The following GRIK2 variants were observed in gnomAD, a reference collection of about 807,000 sequenced individuals.
GRIK2 encodes the protein glutamate receptor ionotropic, kainate 2.
In GRIK2, 32 loss-of-function variants were observed where a neutral mutation model predicts 100.3. The observed-to-expected ratio is 0.32, with a 90% CI of 0.24 to 0.43. The LOEUF (loss-of-function observed/expected upper bound fraction) is 0.43. Ranked by LOEUF, GRIK2 falls within the 20% of genes least tolerant of loss-of-function variation. GRIK2 has a pLI of 1.00. For missense variants in GRIK2, 843 were observed against 1,114.9 expected, an observed-to-expected ratio of 0.76 and a Z score of 3.47; for synonymous variants, 417 against 389.4, an observed-to-expected ratio of 1.07 and a Z score of -0.83.
intron 7 of GRIK2, among the ~76,000 whole-genome samples, chr6:101,692,067 A>AAAAAAAAAAAAG (rs1772146800): frequency 1.5e-4 from 22 of 145,338 alleles, no homozygotes; most frequent in African/African-American, 5.7e-4. Flanking sequence ...AAAAAAAAAA[A>AAAAAAAAAAAAG]GCAATGGAAA....
At chr6:101,483,987 G>A (rs1310101672) in intron 2 of GRIK2, among the ~76,000 whole-genome samples, 1 of 152,210 alleles carries the variant, frequency 6.6e-6, no homozygotes, top group African/African-American at 2.4e-5. Flanking sequence ...ATATTGGGCA[G>A]CCAGTTAGAG....
rs186164618 is a variant in GRIK2 at position 101,526,642 on chromosome 6, A to G, written c.116-95307A>G. On this transcript the variant is annotated intron_variant, in intron 2 of 16. Coordinates refer to ENST00000369134, the MANE Select transcript of GRIK2 (RefSeq NM_021956.5). ...GGGTGATGCTATAAGGAAGGGTGGT[A>G]GAGCTTAATGCTGCCTGTCACTTCT... is the stretch of plus-strand genomic sequence containing the variant. 3.1e-3 allele frequency among the ~76,000 whole-genome samples: 475 copies of G among 152,274 alleles called. 3 individuals are homozygous for G. The highest frequency in any genetic ancestry group is 3.0e-3 in the Non-Finnish European group (205 of 68,022).
chr6:101,584,731 G>A (rs1381195723), intron 2 of GRIK2, among the ~76,000 whole-genome samples: 1 of 151,890 alleles, frequency 6.6e-6, no homozygotes, highest in African/African-American at 2.4e-5. Flanking sequence ...AATATACCTA[G>A]AAAACTCAAA....
intron 2 of GRIK2, among the ~76,000 whole-genome samples, chr6:101,618,072 T>C (rs750687925): frequency 1.3e-5 from 2 of 151,760 alleles, no homozygotes; most frequent in Admixed American, 1.3e-4. Context: ...AAGTCTAATA[T>C]GTCACATTTT....
intron 15 of GRIK2, among the ~76,000 whole-genome samples, chr6:102,050,839 A>C (rs1235606277): frequency 6.6e-6 from 1 of 151,962 alleles, no homozygotes; most frequent in Non-Finnish European, 1.5e-5. Flanking sequence ...AAAGAAATAA[A>C]GAAGAAAGAT....
intron 15 of GRIK2, among the ~76,000 whole-genome samples, chr6:102,046,853 G>A (rs1770914964): frequency 6.6e-6 from 1 of 152,116 alleles, no homozygotes; most frequent in Non-Finnish European, 1.5e-5. Context: ...TTGAAATTAT[G>A]TATAGTATTG....
chr6:101,479,024 C>T (rs1377694697), intron 2 of GRIK2, among the ~76,000 whole-genome samples: 1 of 152,078 alleles, frequency 6.6e-6, no homozygotes, highest in South Asian at 2.1e-4. Flanking sequence ...ACACAACTGG[C>T]ATGTGGAAAA....
At chr6:101,896,997 A>AACACACAC (rs10588904) in intron 12 of GRIK2, among the ~76,000 whole-genome samples, 19 of 147,704 alleles carry the variant, frequency 1.3e-4, no homozygotes, top group Admixed American at 8.9e-4. Context: ...CATTGTATTT[A>AACACACAC]ACACACACAC....
intron 2 of GRIK2, among the ~76,000 whole-genome samples, chr6:101,532,197 C>T (rs1582655821): frequency 6.6e-6 from 1 of 151,956 alleles, no homozygotes; most frequent in East Asian, 1.9e-4. Context: ...CTCAAACACT[C>T]CATGCTGTTT....
chr6:101,716,257 GATA>G (rs1452403474), intron 7 of GRIK2, among the ~76,000 whole-genome samples: 1 of 151,588 alleles, frequency 6.6e-6, no homozygotes, highest in Non-Finnish European at 1.5e-5. Flanking sequence ...GAGGGCCTGT[GATA>G]ATAAATAATA....
At chr6:101,720,846 G>A (rs1467352416) in intron 7 of GRIK2, among the ~76,000 whole-genome samples, 1 of 151,950 alleles carries the variant, frequency 6.6e-6, no homozygotes, top group Non-Finnish European at 1.5e-5. Context: ...TTTGTTTTCA[G>A]AATTATTTTC....
intron 2 of GRIK2, among the ~76,000 whole-genome samples, chr6:101,527,522 A>G (rs763260784): frequency 6.6e-6 from 1 of 152,202 alleles, no homozygotes; most frequent in Non-Finnish European, 1.5e-5. Context: ...TCAGTTAAAA[A>G]CGGAAGTGAT....
chr6:101,772,262 G>A (rs1487166020), intron 7 of GRIK2, among the ~76,000 whole-genome samples: 6 of 152,204 alleles, frequency 3.9e-5, no homozygotes, highest in Admixed American at 3.9e-4. Context: ...CTAATGAGCT[G>A]AGCTTGTTTC....
intron 2 of GRIK2, among the ~76,000 whole-genome samples, chr6:101,476,900 G>T (rs190450044): frequency 6.6e-6 from 1 of 152,094 alleles, no homozygotes; most frequent in East Asian, 1.9e-4. Flanking sequence ...CATCCAAGGC[G>T]CAGTAGCATG....
At chr6:101,447,802 A>G (rs1185836926) in intron 2 of GRIK2, among the ~76,000 whole-genome samples, 6 of 151,690 alleles carry the variant, frequency 4.0e-5, no homozygotes, top group African/African-American at 1.4e-4. Flanking sequence ...ATTTGGCCAA[A>G]TAGAACTAAT....
rs563452807 is a variant in GRIK2 at position 101,508,076 on chromosome 6, C to T, written c.115+108684C>T. 4.2e-5 allele frequency among the ~76,000 whole-genome samples: 6 copies of T among 144,072 alleles called. No individual in the cohort carries two copies. The East Asian group carries it at 6.0e-4, about 14-fold the overall frequency. The allele number at this position is 144,072 out of a possible 152,430, so 94.5% of individuals were successfully genotyped here. A position where few individuals can be genotyped will look rare whatever the true frequency, so the allele number is the denominator to read the frequency against. On this transcript the variant is annotated intron_variant, in intron 2 of 16. Coordinates refer to ENST00000369134, the MANE Select transcript of GRIK2 (RefSeq NM_021956.5). ...ATGTCTACATGAGACCAAATAATAG[C>T]CTTACTGATTATTATTATTTTTTTT...
At chr6:101,492,707 A>C (rs1467705109) in intron 2 of GRIK2, among the ~76,000 whole-genome samples, 1 of 151,976 alleles carries the variant, frequency 6.6e-6, no homozygotes, top group Admixed American at 6.6e-5. Flanking sequence ...AAGACAAATA[A>C]ATTTTATATA....
At chr6:101,942,209 T>G (rs990738459) in intron 14 of GRIK2, among the ~76,000 whole-genome samples, 3 of 152,120 alleles carry the variant, frequency 2.0e-5, no homozygotes, top group South Asian at 4.1e-4. Context: ...GTAATCCCCA[T>G]GTGTTGAAAG....
At chr6:101,738,873 C>T (rs1209351037) in intron 7 of GRIK2, among the ~76,000 whole-genome samples, 1 of 152,112 alleles carries the variant, frequency 6.6e-6, no homozygotes, top group Non-Finnish European at 1.5e-5. Flanking sequence ...AATAACATAA[C>T]ACAATATTAG....
Sources: allele counts gnomAD v4.1 joint callset (sites outside exome capture counted in the v4.1 genomes callset), GRCh38; gene constraint gnomAD v4.1.1; transcripts MANE v1.5; gene names NCBI Gene and HGNC (gene_info 2026-07-23, HGNC 2026-07-21).